CGN: variants seen among roughly 807,000 people sequenced by gnomAD.
The protein encoded by CGN is cingulin.
In CGN, 121 loss-of-function variants were observed where a neutral mutation model predicts 157.1. That is an observed-to-expected ratio of 0.77 (90% CI 0.66 to 0.90). The LOEUF (loss-of-function observed/expected upper bound fraction) is 0.90, where lower values mean the gene tolerates loss of function less well. CGN is among the 40% of genes least tolerant of loss of function. CGN has a pLI of 0.00. For missense variants in CGN, 1,424 were observed against 1,520.9 expected (o/e 0.94, Z 1.06); for synonymous variants, 535 against 607.5 (o/e 0.88, Z 1.76).
chr1:151,523,289 G>A, intron 5 of CGN, 145 bp from the exon 6 acceptor site: 1 of 588,446 alleles, frequency 1.7e-6, no homozygotes, highest in South Asian at 3.8e-5. Context: ...ATGAGGATTA[G>A]ATGTGGATAA....
rs779332921 is a variant in CGN, at chr1:151,518,742, G to A, written c.223G>A (p.Gly75Ser). The A allele has an allele frequency of 9.9e-6, 16 of 1,613,982 alleles. No homozygotes were observed. In the Middle Eastern group the frequency reaches 4.9e-4, roughly 50 times the overall value. Residue 75 changes from glycine (G) to serine (S), a missense_variant, in exon 2 of 21, where the codon GGT becomes AGT. Coordinates refer to ENST00000271636, the MANE Select transcript of CGN (RefSeq NM_020770.3). ...GGTGCTCAACAGTGGGGAGAAAGGC[G>A]GTGACTCCTTTGGGGTCCAAATCAA... ...FVVLNSGEKG[G>S]DSFGVQIKGA...
rs775525556 is a variant in CGN at position 151,535,150 on chromosome 1, C to G, written c.2994+19C>G. 6.9e-6 allele frequency: 11 copies of G among 1,587,414 alleles called. No individual in the cohort carries two copies. The highest frequency in any genetic ancestry group is 9.5e-6 in the Non-Finnish European group (11 of 1,157,070). On this transcript the variant is annotated intron_variant, in intron 16 of 20. Transcript: ENST00000271636. ...GGACCAGGTAACCGCCCCCACCCCTCATCTCTGTTTACCCCTGACTGCATC... is the reference window on the plus strand; with the variant it reads ...GGACCAGGTAACCGCCCCCACCCCTGATCTCTGTTTACCCCTGACTGCATC...
In CGN at chr1:151,535,978, C is replaced by T. The variant is rs1557994534; in HGVS notation, c.3197+80C>T. The T allele has an allele frequency of 5.4e-6, 6 of 1,103,726 alleles. No individual in the cohort carries two copies. The East Asian group carries it at 7.5e-5, about 14-fold the overall frequency. The allele number at this position is 1,103,726 out of a possible 1,614,324, so 68.4% of individuals were successfully genotyped here. On this transcript the variant is annotated intron_variant, in intron 18 of 20. Coordinates refer to ENST00000271636, the MANE Select transcript of CGN (RefSeq NM_020770.3). ...CTTGGCTTTTCTCCTCTGTGGCTCCCTCCATCTTCCACCTCAGATATGGCC... is the reference window on the plus strand; with the variant it reads ...CTTGGCTTTTCTCCTCTGTGGCTCCTTCCATCTTCCACCTCAGATATGGCC...
chr1:151,520,824 T>C (rs1571658664), intron 5 of CGN, 133 bp downstream of exon 5: 1 of 737,098 alleles, frequency 1.4e-6, no homozygotes, highest in South Asian at 1.7e-5. Context: ...GAGACAAGAA[T>C]GTGTACTAAT....
rs1045434981 is a variant in CGN, at chr1:151,520,444, G to A, written c.1005G>A (p.Arg335=). 2 of 1,614,194 alleles carry A rather than the reference G, an allele frequency of 1.2e-6. No individual in the cohort carries two copies. Among genetic ancestry groups the A allele is most frequent in the South Asian group, 1.1e-5 (1 of 91,080 alleles). ...GSSESETSVR[R]KVSLVLEKMQ... is the part of the protein sequence containing the mutation. ...CAGAAAGTGAAACCTCTGTGAGGAG[G>A]AAGGTTAGTTTGGTGCTGGAGAAGA... is the stretch of plus-strand genomic sequence containing the variant. The change falls in exon 4 of 21, where the codon AGG becomes AGA. Residue 335 remains arginine, a synonymous_variant. Transcript: ENST00000271636.
In CGN at chr1:151,529,914, G is replaced by T; in HGVS notation, c.2112G>T (p.Lys704Asn). Residue 704 changes from lysine (K) to asparagine (N), a missense_variant, in exon 12 of 21, where the codon AAG becomes AAT. Physicochemically the swap from Lys to Asn is moderately conservative, Grantham distance 94 (BLOSUM62 0). Coordinates refer to ENST00000271636, the MANE Select transcript of CGN (RefSeq NM_020770.3). ...ACCCCCTGAACCGTCCTTAGGCTAA[G>T]ATGGTGGCCGAGGCAGAGGCAACAG... Reference protein sequence around the residue: ...RQDCEEASKAKMVAEAEATVL... With the variant: ...RQDCEEASKANMVAEAEATVL... 1 of 1,613,618 alleles carries T rather than the reference G, an allele frequency of 6.2e-7. No individual in the cohort carries two copies. The highest frequency in any genetic ancestry group is 8.5e-7 in the Non-Finnish European group (1 of 1,179,790).
Position 151,532,410 on chromosome 1 carries a change from G to C in CGN, c.2580G>C (p.Lys860Asn), listed in dbSNP as rs772759949. 1 of 1,566,182 alleles carries C rather than the reference G, an allele frequency of 6.4e-7. No individual in the cohort carries two copies. Among genetic ancestry groups the C allele is most frequent in the Non-Finnish European group, 8.6e-7 (1 of 1,161,388 alleles). Residue 860 changes from lysine to asparagine, a missense_variant, in exon 14 of 21, where the codon AAG becomes AAC. Physicochemically the swap from Lys to Asn is moderately conservative, Grantham distance 94. Coordinates refer to ENST00000271636, the MANE Select transcript of CGN (RefSeq NM_020770.3). ...TTTTCTCTGTGTTTCAGTTGGAGAA[G>C]ATCGGGGAGGACTCTAAGCAAGCCC... ...TVDRLNKELE[K>N]IGEDSKQALQ...
chr1:151,525,511 CAA>C, intron 8 of CGN, 129 bp from the exon 9 acceptor site: 1 of 570,396 alleles, frequency 1.8e-6, no homozygotes, highest in East Asian at 3.5e-5. Flanking sequence ...CCAGGTACCA[CAA>C]GAGTGTCAGG....
Position 151,535,657 on chromosome 1 carries a change from T to C in CGN, c.3052T>C (p.Cys1018Arg). 6.2e-7 allele frequency: 1 copy of C among 1,613,642 alleles called. No homozygotes were observed. The highest frequency in any genetic ancestry group is 8.5e-7 in the Non-Finnish European group (1 of 1,179,878). Residue 1018 changes from cysteine (C) to arginine (R), a missense_variant, in exon 17 of 21, where the codon TGT (cysteine) becomes CGT (arginine). Physicochemically the swap from Cys to Arg is radical, Grantham distance 180. Transcript: ENST00000271636. ...QERSARQDLE[C>R]DKISLERQNK... ...AAGGTCTGCTCGGCAGGACCTGGAG[T>C]GTGACAAAATCTCCTTGGAGAGACA...
chr1:151,520,119 T>G (rs1460901065), intron 2 of CGN, 47 bp from the exon 3 acceptor site: 2 of 1,473,108 alleles, frequency 1.4e-6, no homozygotes, highest in Admixed American at 2.0e-5. Flanking sequence ...AATCTTCCTA[T>G]TTCTTTCTTT....
intron 1 of CGN, among the ~76,000 whole-genome samples, chr1:151,512,753 A>G (rs999720459): frequency 2.0e-5 from 3 of 152,186 alleles, no homozygotes; most frequent in Non-Finnish European, 2.9e-5. Context: ...ACACATGCCT[A>G]TGCATCTCTT....
chr1:151,536,319 C>T lies in CGN; in HGVS notation c.3280C>T (p.Gln1094Ter). 1 of 1,610,170 alleles carries T rather than the reference C, an allele frequency of 6.2e-7. No individual in the cohort carries two copies. Among genetic ancestry groups the T allele is most frequent in the East Asian group, 2.2e-5 (1 of 44,870 alleles). ...ELSIQIEDERQHVNDQKDQLS... is the reference protein window; with the variant it reads ...ELSIQIEDER ...ATCCATCCAGATTGAAGACGAGCGG[C>T]AGCATGTCAATGACCAGAAAGACCA... Residue 1094 changes from glutamine to a stop codon, truncating the protein, a stop_gained, in exon 19 of 21, where the codon CAG becomes TAG. Coordinates refer to ENST00000271636, the MANE Select transcript of CGN (RefSeq NM_020770.3). LOFTEE classifies it high-confidence loss of function.
chr1:151,529,979 G>T lies in CGN; in HGVS notation c.2177G>T (p.Arg726Leu), dbSNP rs139586578. 6.2e-7 allele frequency: 1 copy of T among 1,614,106 alleles called. No individual in the cohort carries two copies. Among genetic ancestry groups the T allele is most frequent in the African/African-American group, 1.3e-5 (1 of 75,032 alleles). Residue 726 changes from arginine to leucine, a missense_variant, in exon 12 of 21, where the codon CGG becomes CTG. By Grantham distance (102) the Arg-to-Leu change is moderately radical (BLOSUM62 -2). Around this residue, in one of 3 missense-constraint regions of CGN, gnomAD observed 1,187 missense variants for 1,217.6 expected, o/e 0.97. Transcript: ENST00000271636. Reference sequence around the variant, plus strand: ...CGGGCCGCAGTGGAGACGACGCTTCGGGAGACCCAGGAGGAAAATGACGAA... The same window carrying T: ...CGGGCCGCAGTGGAGACGACGCTTCTGGAGACCCAGGAGGAAAATGACGAA... ...QRRAAVETTL[R>L]ETQEENDEFR...
chr1:151,527,017 G>T lies in CGN; in HGVS notation c.1806G>T (p.Glu602Asp), dbSNP rs747456533. The T allele has an allele frequency of 4.3e-6, 7 of 1,614,094 alleles. No individual in the cohort carries two copies. The Admixed American group carries it at 8.3e-5, about 19-fold the overall frequency. ...LRMEKEEMEE[E>D]LGEKIEVLQR... is the part of the protein sequence containing the mutation. ...TGGAGAAGGAGGAGATGGAAGAGGA[G>T]CTTGGAGAGAAGATAGAGGTCTTGC... is the stretch of plus-strand genomic sequence containing the variant. Residue 602 changes from glutamate (E) to aspartate (D), a missense_variant, in exon 10 of 21, where the codon GAG becomes GAT. By Grantham distance (45) the Glu-to-Asp change is conservative. This residue lies in a region of CGN where 1,187 missense variants were observed against 1,217.6 expected (regional missense o/e 0.97). Transcript: ENST00000271636.
chr1:151,528,915 G>T (rs766648328), intron 10 of CGN, among the ~76,000 whole-genome samples: 10 of 152,088 alleles, frequency 6.6e-5, no homozygotes, highest in Non-Finnish European at 1.3e-4. Flanking sequence ...GGGCCTTAAG[G>T]GTCTGGCTTC....
intron 18 of CGN, 25 bp from the exon 19 acceptor site, chr1:151,536,212 T>C (rs750695855): frequency 1.4e-6 from 2 of 1,419,000 alleles, no homozygotes; most frequent in Non-Finnish European, 2.0e-6. Context: ...GGGACACTCA[T>C]AGACATTCTT....
chr1:151,528,904 T>C (rs190718232), intron 10 of CGN, among the ~76,000 whole-genome samples: 63 of 152,334 alleles, frequency 4.1e-4, no homozygotes, highest in African/African-American at 1.4e-3. Flanking sequence ...CTATAATATA[T>C]GGGCCTTAAG....
At chr1:151,532,351 G>A in intron 13 of CGN, 51 bp from the exon 14 acceptor site, 1 of 1,370,802 alleles carries the variant, frequency 7.3e-7, no homozygotes. Context: ...GTCTGGGCCT[G>A]GAGAGGGTCA....
chr1:151,537,041 G>C (rs1462929540), intron 20 of CGN, 148 bp downstream of exon 20: 48 of 1,175,954 alleles, frequency 4.1e-5, no homozygotes, highest in Non-Finnish European at 5.4e-5. Flanking sequence ...TTATTTATTA[G>C]TATCTCAGCC....
Sources: gnomAD v4.1 joint callset for allele counts (sites outside exome capture counted in the v4.1 genomes callset) on GRCh38, gnomAD v4.1.1 for gene constraint, gnomAD v4.1.1 regional missense constraint, MANE v1.5 for transcripts, NCBI Gene and HGNC (gene_info 2026-07-23, HGNC 2026-07-21) for gene names.